The following CTBP2 variants were observed in gnomAD, a reference collection of about 807,000 sequenced individuals.
The protein encoded by CTBP2 is C-terminal binding protein 2, also known as C-terminal-binding protein 2.
CTBP2 carries 30 observed loss-of-function variants against 80.3 expected under a neutral mutation model. The ratio of observed to expected loss-of-function variants is 0.37; its 90% CI spans 0.28 to 0.51. CTBP2 has a LOEUF of 0.51. Ranked by LOEUF, CTBP2 falls within the 20% of genes least tolerant of loss-of-function variation. The probability of loss-of-function intolerance (pLI) is 0.93; values close to 1 mark genes in which losing one functional copy is unlikely to be tolerated. For synonymous variants in CTBP2, 594 were observed against 587.4 expected, an observed-to-expected ratio of 1.01 and a Z score of -0.16; for missense variants, 1,212 against 1,375.3, an observed-to-expected ratio of 0.88 and a Z score of 1.88.
chr10:125,141,667 C>T (rs1166747820), intron 1 of CTBP2, among the ~76,000 whole-genome samples: 2 of 152,050 alleles, frequency 1.3e-5, no homozygotes, highest in African/African-American at 4.8e-5. Context: ...GGCAAATACA[C>T]AGCAGGTACA....
At chr10:125,079,344 C>T (rs976960757) in intron 2 of CTBP2, among the ~76,000 whole-genome samples, 4 of 152,108 alleles carry the variant, frequency 2.6e-5, no homozygotes, top group Admixed American at 2.6e-4. Context: ...CCAGCGGTGG[C>T]GGCATTCCTC....
chr10:125,040,599 T>TAC (rs59512017), intron 2 of CTBP2, among the ~76,000 whole-genome samples: 10,974 of 145,992 alleles, frequency 0.075, 482 homozygotes, highest in South Asian at 0.13. Flanking sequence ...CACAACCACA[T>TAC]ACACACACAC....
intron 2 of CTBP2, among the ~76,000 whole-genome samples, chr10:125,047,800 T>C (rs1221055656): frequency 6.6e-6 from 1 of 152,178 alleles, no homozygotes; most frequent in African/African-American, 2.4e-5. Context: ...GAAGATTTAA[T>C]CCTCCTAACT....
rs776888247 is a variant in CTBP2 at position 125,027,115 on chromosome 10, G to A, written c.645C>T (p.Ser215=). 54 of 1,606,170 alleles carry A rather than the reference G, an allele frequency of 3.4e-5. No homozygotes were observed. The highest frequency in any genetic ancestry group is 1.3e-4 in the East Asian group (6 of 44,698). The change falls in exon 1 of 9, where the codon AGC becomes AGT. Residue 215 remains serine, a synonymous_variant. Transcript: ENST00000309035. Reference sequence around the variant, plus strand: ...CAGGGGCAGGGTCAATGGGTCTTTCGCTGATGTCGCTGAAGACCTGGCTGA... The same window carrying A: ...CAGGGGCAGGGTCAATGGGTCTTTCACTGATGTCGCTGAAGACCTGGCTGA...
chr10:125,015,430 C>T (rs923669709), intron 1 of CTBP2, among the ~76,000 whole-genome samples: 1 of 152,246 alleles, frequency 6.6e-6, no homozygotes, highest in African/African-American at 2.4e-5. Flanking sequence ...AACGTGACGT[C>T]TGTTTTTGAA....
intron 1 of CTBP2, among the ~76,000 whole-genome samples, chr10:125,157,824 A>G (rs1295502736): frequency 1.3e-5 from 2 of 152,238 alleles, no homozygotes; most frequent in African/African-American, 4.8e-5. Context: ...ATTTTGCAAG[A>G]AAGAGGGCCT....
intron 2 of CTBP2, among the ~76,000 whole-genome samples, chr10:125,060,591 C>T (rs1222351593): frequency 6.6e-6 from 1 of 152,070 alleles, no homozygotes; most frequent in Non-Finnish European, 1.5e-5. Context: ...AATGGCAATG[C>T]TCATCCCCAG....
chr10:125,081,804 ATAAAG>A (rs1284343358), intron 2 of CTBP2, among the ~76,000 whole-genome samples: 1 of 152,172 alleles, frequency 6.6e-6, no homozygotes, highest in Non-Finnish European at 1.5e-5. Context: ...ACTACCAAAA[ATAAAG>A]TAAGAGTCAC....
At position 124,993,243 on chromosome 10, in the gene CTBP2, A is replaced by C. The variant is rs1952955197; in HGVS notation, c.2618T>G (p.Met873Arg). 4.4e-6 allele frequency: 7 copies of C among 1,602,662 alleles called. No homozygotes were observed. The highest frequency in any genetic ancestry group is 5.1e-6 in the Non-Finnish European group (6 of 1,171,158). ...GATCTCGGTGGCAGCTGCCTCCCTC[A>C]TCTCCAGTGACGCCTGCTCACTGTA... The change falls in exon 7 of 9, where the codon ATG becomes AGG. Residue 873 changes from methionine (M) to arginine (R), a missense_variant. Met to Arg is a moderately conservative substitution (Grantham distance 91). Coordinates refer to ENST00000309035, the MANE Select transcript of CTBP2 (RefSeq NM_022802.3).
intron 2 of CTBP2, among the ~76,000 whole-genome samples, chr10:125,059,596 G>C (rs1047670582): frequency 6.6e-6 from 1 of 152,000 alleles, no homozygotes; most frequent in African/African-American, 2.4e-5. Flanking sequence ...CCAGACCCAA[G>C]GCTTGTCACC....
At chr10:125,029,288 C>G (rs1384229916), upstream of CTBP2, among the ~76,000 whole-genome samples, 1 of 144,436 alleles carries the variant, frequency 6.9e-6, no homozygotes, top group Non-Finnish European at 1.5e-5. Context: ...GTTTCTCAGG[C>G]TGGAGTGCAA....
chr10:125,038,364 C>A (rs1159434782), intron 3 of CTBP2, among the ~76,000 whole-genome samples: 1 of 152,142 alleles, frequency 6.6e-6, no homozygotes, highest in African/African-American at 2.4e-5. Flanking sequence ...CCCTGTAGCA[C>A]TGACCCCATC....
intron 1 of CTBP2, among the ~76,000 whole-genome samples, chr10:125,011,118 C>A (rs936717564): frequency 6.6e-6 from 1 of 152,318 alleles, no homozygotes; most frequent in African/African-American, 2.4e-5. Flanking sequence ...TCTGAGCACC[C>A]AGGGGCTGTG....
chr10:125,011,076 C>T (rs557703940), intron 1 of CTBP2, among the ~76,000 whole-genome samples: 6 of 152,314 alleles, frequency 3.9e-5, no homozygotes, highest in African/African-American at 7.2e-5. Flanking sequence ...GGGAAAAAAT[C>T]GAGTGTTGGG....
At chr10:125,147,854 G>A (rs1715875) in intron 1 of CTBP2, among the ~76,000 whole-genome samples, 3,542 of 151,934 alleles carry the variant, frequency 0.023, 141 homozygotes, top group African/African-American at 0.079. Context: ...CCGTGATTGC[G>A]CCACTGCACT....
intron 1 of CTBP2, among the ~76,000 whole-genome samples, chr10:125,013,174 G>A (rs1956117448): frequency 6.6e-6 from 1 of 152,086 alleles, no homozygotes; most frequent in Non-Finnish European, 1.5e-5. Flanking sequence ...AGGTGGTCTG[G>A]AGCCTGTTGG....
rs371672726 is a variant in CTBP2 at position 125,041,660 on chromosome 10, C to T, written c.-101-2505G>A. ...TAAAAACAGATTTCCACATCAGCTG[C>T]GTCATCCAAGGGGGGAAGAGAATTA... On this transcript the variant is annotated intron_variant, in intron 2 of 10. Transcript: ENST00000337195. 3.3e-5 allele frequency among the ~76,000 whole-genome samples: 5 copies of T among 152,160 alleles called. No individual in the cohort carries two copies. In the East Asian group the frequency reaches 7.8e-4, roughly 24 times the overall value.
chr10:125,146,175 G>A lies in CTBP2; in HGVS notation c.-206+14144C>T, dbSNP rs180961346. On this transcript the variant is annotated intron_variant, in intron 1 of 10. Coordinates refer to the CTBP2 transcript ENST00000337195. The stretch of plus-strand genomic sequence containing the variant: ...ATTAGAAGAGACAGGGTTTTGCCAT[G>A]TTGGCCAGGCTGGTCTTGAACTCCT... Among the ~76,000 whole-genome samples, 10 of 152,284 alleles carry A rather than the reference G, an allele frequency of 6.6e-5. No individual in the cohort carries two copies. In the East Asian group the frequency reaches 1.9e-3, roughly 29 times the overall value.
rs1952014515 is a variant in CTBP2 at position 124,985,584 on chromosome 10, G to C, written c.*3934C>G. On this transcript the variant is annotated 3_prime_UTR_variant, in exon 9 of 9. Coordinates refer to ENST00000309035, the MANE Select transcript of CTBP2 (RefSeq NM_022802.3). ...AGGAACAAACTGCAAGAAAAGCTAA[G>C]AATGTTTTAGAGTGAACTAAATACA... is the stretch of plus-strand genomic sequence containing the variant. The C allele has an allele frequency of 6.6e-6, 1 of 152,630 alleles. No homozygotes were observed. The highest frequency in any genetic ancestry group is 2.1e-4 in the South Asian group (1 of 4,836). 9.5% of individuals were successfully genotyped at this position (152,630 alleles called of 1,614,324 possible).
Sources: gnomAD v4.1 joint callset for allele counts (sites outside exome capture counted in the v4.1 genomes callset) on GRCh38, gnomAD v4.1.1 for gene constraint, MANE v1.5 for transcripts, NCBI Gene and HGNC (gene_info 2026-07-23, HGNC 2026-07-21) for gene names.